PACS1: variants seen among roughly 807,000 people sequenced by gnomAD.
PACS1 encodes PACS-1.
A neutral mutation model predicts 115.0 loss-of-function variants in PACS1; 24 were observed. That is an observed-to-expected ratio of 0.21 (90% confidence interval 0.15 to 0.29). The LOEUF is 0.29. Among genes scored for constraint, PACS1 ranks in the 10% least tolerant of loss-of-function variants. The pLI, the probability that PACS1 is intolerant of heterozygous loss-of-function variation, is 1.00. For synonymous variants in PACS1, 453 were observed against 504.5 expected (o/e 0.90, Z 1.37); for missense variants, 838 against 1,251.2 (o/e 0.67, Z 4.98).
chr11:66,212,413 T>C (rs1166069376), intron 4 of PACS1, among the ~76,000 whole-genome samples: 12 of 151,360 alleles, frequency 7.9e-5, no homozygotes, highest in Non-Finnish European at 1.6e-4. Context: ...ATTACAGGCA[T>C]GAGCCACTGC....
chr11:66,075,315 A>C (rs1590726672), intron 1 of PACS1, among the ~76,000 whole-genome samples: 1 of 152,058 alleles, frequency 6.6e-6, no homozygotes. Context: ...ATCACGGCTC[A>C]TTGCAACCTA....
chr11:66,118,787 A>G (rs1858372216), intron 1 of PACS1, among the ~76,000 whole-genome samples: 1 of 150,982 alleles, frequency 6.6e-6, no homozygotes, highest in African/African-American at 2.4e-5. Context: ...AAAAAAAAAA[A>G]AAAAAGAAAG....
intron 1 of PACS1, among the ~76,000 whole-genome samples, chr11:66,123,352 C>T (rs1565115480): frequency 3.3e-5 from 5 of 151,796 alleles, no homozygotes; most frequent in Admixed American, 2.6e-4. Flanking sequence ...CCACCATGTC[C>T]AGCTAATTTT....
chr11:66,103,318 T>G (rs2134532610), intron 1 of PACS1, among the ~76,000 whole-genome samples: 1 of 152,264 alleles, frequency 6.6e-6, no homozygotes, highest in East Asian at 1.9e-4. Flanking sequence ...TGGAGAAAGC[T>G]GCAAGGATGT....
At chr11:66,144,670 G>A (rs1859078682) in intron 1 of PACS1, among the ~76,000 whole-genome samples, 1 of 152,158 alleles carries the variant, frequency 6.6e-6, no homozygotes, top group Non-Finnish European at 1.5e-5. Context: ...ATCTCGCTCT[G>A]TGGCCGAGGG....
At chr11:66,214,629 T>TC (rs1213243363) in intron 4 of PACS1, among the ~76,000 whole-genome samples, 1 of 144,684 alleles carries the variant, frequency 6.9e-6, no homozygotes, top group Non-Finnish European at 1.5e-5. Context: ...TCTTTTTTTT[T>TC]TTTTTTTCCT....
At chr11:66,240,564 C>G (rs1189950226) in intron 21 of PACS1, among the ~76,000 whole-genome samples, 1 of 152,150 alleles carries the variant, frequency 6.6e-6, no homozygotes, top group Non-Finnish European at 1.5e-5. Flanking sequence ...AGCCTCTGCT[C>G]CTCGGGGCAC....
chr11:66,176,482 C>A (rs10791851), intron 1 of PACS1, among the ~76,000 whole-genome samples: 1 of 149,480 alleles, frequency 6.7e-6, no homozygotes, highest in Admixed American at 6.7e-5. Context: ...GGCGTGATCT[C>A]GGCTCACTGC....
intron 1 of PACS1, among the ~76,000 whole-genome samples, chr11:66,165,779 A>G (rs959466697): frequency 6.6e-6 from 1 of 152,158 alleles, no homozygotes; most frequent in South Asian, 2.1e-4. Context: ...TGATCTCACT[A>G]TGTTGCCCAG....
chr11:66,124,050 C>T (rs916651715), intron 1 of PACS1, among the ~76,000 whole-genome samples: 2 of 152,114 alleles, frequency 1.3e-5, no homozygotes, highest in Non-Finnish European at 2.9e-5. Flanking sequence ...AGGCATTCTG[C>T]GCAGCTTTGG....
intron 21 of PACS1, 58 bp from the exon 22 acceptor site, chr11:66,241,369 C>A: frequency 7.4e-7 from 1 of 1,349,732 alleles, no homozygotes. Context: ...CCCATCAGGC[C>A]TATGTAGTTG....
At chr11:66,078,477 A>G (rs910947851) in intron 1 of PACS1, among the ~76,000 whole-genome samples, 8 of 152,200 alleles carry the variant, frequency 5.3e-5, no homozygotes, top group African/African-American at 1.9e-4. Context: ...CTTTATTATG[A>G]GTAGGATTTC....
chr11:66,179,049 C>T (rs1859941345), intron 1 of PACS1, among the ~76,000 whole-genome samples: 1 of 152,132 alleles, frequency 6.6e-6, no homozygotes, highest in African/African-American at 2.4e-5. Context: ...CTGCCACCCA[C>T]CAGCAGTGTT....
chr11:66,072,823 A>C (rs1857332046), intron 1 of PACS1, among the ~76,000 whole-genome samples: 1 of 152,138 alleles, frequency 6.6e-6, no homozygotes, highest in Middle Eastern at 3.4e-3. Flanking sequence ...TGCCTTCTCC[A>C]TCTCGTTAGG....
chr11:66,215,947 T>TAAA (rs1473377127), intron 4 of PACS1, among the ~76,000 whole-genome samples, 172 bp from the exon 5 acceptor site: 2 of 140,310 alleles, frequency 1.4e-5, no homozygotes, highest in African/African-American at 5.6e-5. Flanking sequence ...ATAATAATAA[T>TAAA]AATAAACAAA....
At chr11:66,110,477 CTCT>C (rs1814087707) in intron 1 of PACS1, among the ~76,000 whole-genome samples, 1 of 151,894 alleles carries the variant, frequency 6.6e-6, no homozygotes, top group Non-Finnish European at 1.5e-5. Flanking sequence ...AGCTAAATGC[CTCT>C]TGATTTTAAT....
chr11:66,232,236 A>G lies in PACS1; in HGVS notation c.1691A>G (p.Glu564Gly), dbSNP rs761585481. ...CTGGTGTCAGATGCAGCCCTCCCAGAAAATGTCATTCTGGTGAACACCACT... is the reference window on the plus strand; with the variant it reads ...CTGGTGTCAGATGCAGCCCTCCCAGGAAATGTCATTCTGGTGAACACCACT... ...QILVSDAALP[E>G]NVILVNTTDW... The change falls in exon 14 of 24, where the codon GAA (glutamate) becomes GGA (glycine). Residue 564 changes from glutamate to glycine, a missense_variant. Around this residue, in one of 6 missense-constraint regions of PACS1, gnomAD observed 383 missense variants for 537.0 expected, o/e 0.71. Transcript: ENST00000320580. The G allele has an allele frequency of 6.2e-7, 1 of 1,613,532 alleles. No homozygotes were observed. Among genetic ancestry groups the G allele is most frequent in the South Asian group, 1.1e-5 (1 of 91,072 alleles).
Position 66,216,164 on chromosome 11 carries a change from A to C in PACS1, c.706A>C (p.Ser236Arg). Residue 236 changes from serine (S) to arginine (R), a missense_variant, in exon 5 of 24, where the codon AGC (serine) becomes CGC (arginine). By Grantham distance (110) the Ser-to-Arg change is moderately radical. Coordinates refer to ENST00000320580, the MANE Select transcript of PACS1 (RefSeq NM_018026.4). ...AGGCGCACTGGTGCTTGGCCTACAC[A>C]GCAACGTGAAGGATGTCTCTGTGCC... is the stretch of plus-strand genomic sequence containing the variant. ...NEGALVLGLH[S>R]NVKDVSVPVA... 6.2e-7 allele frequency: 1 copy of C among 1,613,948 alleles called. No homozygotes were observed. The highest frequency in any genetic ancestry group is 8.5e-7 in the Non-Finnish European group (1 of 1,179,918).
At chr11:66,078,113 A>G (rs1286002717) in intron 1 of PACS1, among the ~76,000 whole-genome samples, 2 of 152,194 alleles carry the variant, frequency 1.3e-5, no homozygotes, top group African/African-American at 4.8e-5. Context: ...CCTTGTGAGT[A>G]ATGATCTGTG....
Sources: allele counts gnomAD v4.1 joint callset (sites outside exome capture counted in the v4.1 genomes callset), GRCh38; gene constraint gnomAD v4.1.1; regional missense constraint gnomAD v4.1.1; transcripts MANE v1.5; gene names NCBI Gene and HGNC (gene_info 2026-07-23, HGNC 2026-07-21).